The following FOXP1 variants were observed in gnomAD, a reference collection of about 807,000 sequenced individuals.
The protein encoded by FOXP1 is forkhead box protein P1.
FOXP1 carries 15 observed loss-of-function variants against 98.2 expected under a neutral mutation model. The ratio of observed to expected loss-of-function variants is 0.15; its 90% CI spans 0.10 to 0.24. The LOEUF is 0.24. Ranked by LOEUF, FOXP1 falls within the 10% of genes least tolerant of loss-of-function variation. FOXP1 has a pLI of 1.00. For missense variants in FOXP1, 633 were observed against 848.5 expected (o/e 0.75, Z 3.15); for synonymous variants, 371 against 314.5 (o/e 1.18, Z -1.90).
At chr3:71,261,932 T>C (rs1016875931) in intron 5 of FOXP1, among the ~76,000 whole-genome samples, 1 of 152,162 alleles carries the variant, frequency 6.6e-6, no homozygotes, top group Admixed American at 6.5e-5. Flanking sequence ...TTATTAAGTA[T>C]CATTTATTAA....
intron 3 of FOXP1, among the ~76,000 whole-genome samples, chr3:71,386,940 C>T (rs775792343): frequency 3.9e-5 from 6 of 152,046 alleles, no homozygotes; most frequent in Non-Finnish European, 8.8e-5. Flanking sequence ...CATCTTACAT[C>T]AGCTACCTTT....
intron 5 of FOXP1, among the ~76,000 whole-genome samples, chr3:71,264,673 A>G (rs949693883): frequency 5.9e-5 from 9 of 152,126 alleles, no homozygotes; most frequent in Non-Finnish European, 5.9e-5. Context: ...TCTGTCTTCT[A>G]CTCTGAGTTT....
intron 13 of FOXP1, among the ~76,000 whole-genome samples, chr3:70,999,122 C>T (rs1278145336): frequency 6.6e-6 from 1 of 152,092 alleles, no homozygotes; most frequent in African/African-American, 2.4e-5. Flanking sequence ...TGGAGTCTCA[C>T]TCTGTCGCCC....
intron 3 of FOXP1, among the ~76,000 whole-genome samples, chr3:71,402,337 C>T (rs898768220): frequency 6.6e-6 from 1 of 152,064 alleles, no homozygotes; most frequent in Non-Finnish European, 1.5e-5. Flanking sequence ...TGCCTGTAGT[C>T]CCAGCTACTT....
intron 2 of FOXP1, among the ~76,000 whole-genome samples, chr3:71,548,312 G>C (rs1281117339): frequency 6.6e-6 from 1 of 152,110 alleles, no homozygotes; most frequent in South Asian, 2.1e-4. Context: ...CACAAATAGC[G>C]TAAGTTTATA....
At chr3:71,320,798 G>C (rs768206456) in intron 4 of FOXP1, among the ~76,000 whole-genome samples, 1 of 152,062 alleles carries the variant, frequency 6.6e-6, no homozygotes, top group Non-Finnish European at 1.5e-5. Context: ...CTCCATCTTT[G>C]TTCCTCTCCC....
At chr3:71,042,828 T>C (rs772396192) in intron 10 of FOXP1, among the ~76,000 whole-genome samples, 6 of 152,224 alleles carry the variant, frequency 3.9e-5, no homozygotes, top group Non-Finnish European at 8.8e-5. Context: ...TCATTTAGAA[T>C]ACAATGGATA....
chr3:71,189,783 T>C (rs188387254), intron 6 of FOXP1, among the ~76,000 whole-genome samples: 2 of 152,358 alleles, frequency 1.3e-5, no homozygotes, highest in East Asian at 1.9e-4. Flanking sequence ...CATTCATAAA[T>C]AGTCTGTCAC....
rs2050213265 is a variant in FOXP1 at position 71,053,637 on chromosome 3, T to C, written c.419A>G (p.Gln140Arg). ...LQQQQALMLQQQQLQEFYKKQ... is the reference protein window; with the variant it reads ...LQQQQALMLQRQQLQEFYKKQ... ...TGGAGGTGGAGGAAGGACAATTACCTGTTGAAGCATGAGGGCCTGCTGCTG... is the reference window on the plus strand; with the variant it reads ...TGGAGGTGGAGGAAGGACAATTACCCGTTGAAGCATGAGGGCCTGCTGCTG... Residue 140 changes from glutamine (Q) to arginine (R), a missense_variant and splice_region_variant, in exon 8 of 21, where the codon CAG becomes CGG. Around this residue, in one of 6 missense-constraint regions of FOXP1, gnomAD observed 210 missense variants for 270.6 expected, o/e 0.78. Coordinates refer to ENST00000649528, the MANE Select transcript of FOXP1 (RefSeq NM_001349338.3). 2 of 1,613,930 alleles carry C rather than the reference T, an allele frequency of 1.2e-6. No homozygotes were observed. Among genetic ancestry groups the C allele is most frequent in the South Asian group, 2.2e-5 (2 of 91,082 alleles).
chr3:71,364,151 G>A (rs966150217), intron 3 of FOXP1, among the ~76,000 whole-genome samples: 2 of 152,180 alleles, frequency 1.3e-5, no homozygotes, highest in Non-Finnish European at 2.9e-5. Context: ...TGGAATGTTG[G>A]TTACAGCTGC....
At chr3:71,293,924 TA>T (rs146662372) in intron 5 of FOXP1, among the ~76,000 whole-genome samples, 108 of 152,344 alleles carry the variant, frequency 7.1e-4, no homozygotes, top group African/African-American at 2.6e-3. Flanking sequence ...CTCTTAGATT[TA>T]AAAATAAGAA....
intron 5 of FOXP1, 90 bp from the exon 6 acceptor site, chr3:71,198,482 C>A (rs2063452028): frequency 1.7e-6 from 2 of 1,191,626 alleles, no homozygotes; most frequent in African/African-American, 1.5e-5. Context: ...AGGAGAAGGG[C>A]CTTGGTTTAA....
chr3:71,286,733 C>G (rs927629977), intron 5 of FOXP1, among the ~76,000 whole-genome samples: 1 of 152,154 alleles, frequency 6.6e-6, no homozygotes, highest in African/African-American at 2.4e-5. Context: ...TGCCTACCAA[C>G]TTAATGTCTA....
At chr3:71,482,086 C>T (rs571468429) in intron 3 of FOXP1, among the ~76,000 whole-genome samples, 12 of 152,264 alleles carry the variant, frequency 7.9e-5, no homozygotes, top group African/African-American at 1.7e-4. Flanking sequence ...TTTCTTCAGA[C>T]GCAATCAGCT....
chr3:70,962,258 T>C lies in FOXP1; in HGVS notation c.1890-2867A>G, dbSNP rs543970438. Among the ~76,000 whole-genome samples, 7 of 151,232 alleles carry C rather than the reference T, an allele frequency of 4.6e-5. No homozygotes were observed. In the East Asian group the frequency reaches 1.4e-3, roughly 31 times the overall value. On this transcript the variant is annotated intron_variant, in intron 20 of 20. Coordinates refer to ENST00000649528, the MANE Select transcript of FOXP1 (RefSeq NM_001349338.3). ...CTGAATACTAGGCATTTGAGGATCA[T>C]CTTTCTCTTTCTCTTTTACTGTTTG...
At chr3:71,165,237 T>C (rs1387793939) in intron 6 of FOXP1, among the ~76,000 whole-genome samples, 1 of 114,452 alleles carries the variant, frequency 8.7e-6, no homozygotes, top group Non-Finnish European at 1.8e-5. Context: ...AATTGAAAGC[T>C]ATTTTTTTGT....
intron 2 of FOXP1, among the ~76,000 whole-genome samples, chr3:71,504,178 C>T (rs377456127): frequency 4.6e-5 from 7 of 151,792 alleles, no homozygotes; most frequent in African/African-American, 9.7e-5. Context: ...TGCCTCAAAT[C>T]GAAAAAAACA....
chr3:71,524,503 G>C (rs1448455075), intron 2 of FOXP1, among the ~76,000 whole-genome samples: 1 of 145,830 alleles, frequency 6.9e-6, no homozygotes, highest in African/African-American at 2.5e-5. Flanking sequence ...TTCTACAGGA[G>C]TTAATTTTAA....
chr3:71,456,477 A>G (rs2087518435), intron 3 of FOXP1, among the ~76,000 whole-genome samples: 2 of 152,194 alleles, frequency 1.3e-5, no homozygotes, highest in African/African-American at 4.8e-5. Flanking sequence ...CAACATCAGA[A>G]TAAGAACCGA....
Sources: allele counts gnomAD v4.1 joint callset (sites outside exome capture counted in the v4.1 genomes callset), GRCh38; gene constraint gnomAD v4.1.1; regional missense constraint gnomAD v4.1.1; transcripts MANE v1.5; gene names NCBI Gene and HGNC (gene_info 2026-07-23, HGNC 2026-07-21).